Variants in LINGO2 observed in about 807,000 individuals in gnomAD.
LINGO2 encodes the protein leucine rich repeat and Ig domain containing 2.
A neutral mutation model predicts 30.6 loss-of-function variants in LINGO2; 14 were observed. The observed-to-expected ratio is 0.46, with a 90% CI of 0.30 to 0.72. LINGO2 has a LOEUF of 0.72. Ranked by LOEUF, LINGO2 falls within the 30% of genes least tolerant of loss-of-function variation. LINGO2 has a pLI of 0.07. For synonymous variants in LINGO2, 317 were observed against 288.5 expected, an observed-to-expected ratio of 1.10 and a Z score of -1.00; for missense variants, 729 against 751.7, an observed-to-expected ratio of 0.97 and a Z score of 0.35.
intron 1 of LINGO2, among the ~76,000 whole-genome samples, chr9:28,649,369 T>C (rs542381699): frequency 4.5e-4 from 69 of 152,212 alleles, no homozygotes; most frequent in African/African-American, 1.5e-3. Context: ...TAAATCCTCA[T>C]AACAGTTCTA....
At chr9:27,959,418 G>T (rs1307737061) in intron 5 of LINGO2, among the ~76,000 whole-genome samples, 1 of 151,988 alleles carries the variant, frequency 6.6e-6, no homozygotes, top group African/African-American at 2.4e-5. Flanking sequence ...CTTTCTACAT[G>T]CTTTAGCTAC....
chr9:28,666,896 GA>G (rs1282367888), intron 1 of LINGO2, among the ~76,000 whole-genome samples: 1 of 152,046 alleles, frequency 6.6e-6, no homozygotes, highest in Non-Finnish European at 1.5e-5. Context: ...GTAACAGAAT[GA>G]AAATACAACA....
At chr9:28,349,206 A>G (rs1819739385) in intron 3 of LINGO2, among the ~76,000 whole-genome samples, 1 of 152,128 alleles carries the variant, frequency 6.6e-6, no homozygotes, top group Non-Finnish European at 1.5e-5. Flanking sequence ...ATTCTGAGCT[A>G]CGGGAGGACA....
intron 4 of LINGO2, among the ~76,000 whole-genome samples, chr9:28,259,383 G>A (rs1264852956): frequency 6.6e-6 from 1 of 151,922 alleles, no homozygotes; most frequent in African/African-American, 2.4e-5. Flanking sequence ...ACTGGAAGAA[G>A]GGCATGGAAA....
At chr9:28,681,218 T>C in the LINGO2 span, among the ~76,000 whole-genome samples, 1 of 151,948 alleles carries the variant, frequency 6.6e-6, no homozygotes, top group African/African-American at 2.4e-5. Context: ...TGGACTAACT[T>C]AGTTCCAGTT....
chr9:29,148,163 T>C, the LINGO2 span, among the ~76,000 whole-genome samples: 99 of 152,252 alleles, frequency 6.5e-4, no homozygotes, highest in African/African-American at 2.3e-3. Context: ...TCAATGTGTA[T>C]GTCTCCTTTT....
chr9:28,958,712 G>C, the LINGO2 span, among the ~76,000 whole-genome samples: 1 of 151,572 alleles, frequency 6.6e-6, no homozygotes, highest in Non-Finnish European at 1.5e-5. Context: ...GAGAAGAGGA[G>C]AAAAAAGGAG....
chr9:28,197,004 T>C (rs1820037630), intron 4 of LINGO2, among the ~76,000 whole-genome samples: 1 of 151,912 alleles, frequency 6.6e-6, no homozygotes, highest in African/African-American at 2.4e-5. Context: ...TGGCTATAGT[T>C]AACAATAATT....
intron 1 of LINGO2, among the ~76,000 whole-genome samples, chr9:28,552,433 G>A (rs371477366): frequency 6.6e-6 from 1 of 151,944 alleles, no homozygotes; most frequent in African/African-American, 2.4e-5. Flanking sequence ...TCAGAATCAC[G>A]AACACTTGGT....
the LINGO2 span, among the ~76,000 whole-genome samples, chr9:29,016,214 C>T: frequency 3.3e-5 from 5 of 152,142 alleles, no homozygotes; most frequent in African/African-American, 1.2e-4. Flanking sequence ...AAACATAGTA[C>T]TCATTCATTT....
the LINGO2 span, among the ~76,000 whole-genome samples, chr9:29,058,524 G>A: frequency 0.06 from 9,192 of 151,952 alleles, 349 homozygotes; most frequent in South Asian, 0.18. Context: ...AAGAAGGGGT[G>A]AGGTGGTTAG....
the LINGO2 span, among the ~76,000 whole-genome samples, chr9:28,728,060 A>G: frequency 4.6e-5 from 7 of 152,340 alleles, no homozygotes; most frequent in Admixed American, 3.9e-4. Flanking sequence ...GGAAATTAAA[A>G]GTGGTCAGAA....
At chr9:28,924,433 C>G in the LINGO2 span, among the ~76,000 whole-genome samples, 2 of 152,228 alleles carry the variant, frequency 1.3e-5, no homozygotes, top group South Asian at 4.1e-4. Context: ...GTTGCCCAGG[C>G]TGGTCTCAAA....
At chr9:28,694,698 A>G in the LINGO2 span, among the ~76,000 whole-genome samples, 1 of 151,966 alleles carries the variant, frequency 6.6e-6, no homozygotes, top group African/African-American at 2.4e-5. Flanking sequence ...CAGAACTTTA[A>G]TTTTGACTGA....
chr9:28,636,471 C>T (rs1189791988), intron 1 of LINGO2, among the ~76,000 whole-genome samples: 1 of 152,150 alleles, frequency 6.6e-6, no homozygotes, highest in African/African-American at 2.4e-5. Context: ...TTCTCCACAT[C>T]GTCTCCAGCA....
the LINGO2 span, among the ~76,000 whole-genome samples, chr9:29,192,293 C>A: frequency 6.6e-6 from 1 of 152,060 alleles, no homozygotes; most frequent in East Asian, 1.9e-4. Context: ...TAACAACTTG[C>A]TAATAAATAT....
At chr9:28,665,308 G>A (rs1229569834) in intron 1 of LINGO2, among the ~76,000 whole-genome samples, 1 of 151,954 alleles carries the variant, frequency 6.6e-6, no homozygotes, top group African/African-American at 2.4e-5. Context: ...TGATCTCAGA[G>A]CAGCTATGTT....
In LINGO2 at chr9:28,632,813, C is replaced by CCA. The variant is rs374188694; in HGVS notation, c.-365+37386_-365+37387insTG. 2.7e-3 allele frequency among the ~76,000 whole-genome samples: 265 copies of CCA among 96,386 alleles called. 2 individuals are homozygous for CCA. The highest frequency in any genetic ancestry group is 0.01 in the African/African-American group (250 of 24,276). The allele number at this position is 96,386 out of a possible 152,430, so 63.2% of individuals were successfully genotyped here. On this transcript the variant is annotated intron_variant, in intron 1 of 5. Coordinates refer to ENST00000379992, the Ensembl canonical transcript of LINGO2. ...TATTATATAGATTTATATAGATGAT[C>CCA]TATATATATTATATATTATATATAT...
the LINGO2 span, among the ~76,000 whole-genome samples, chr9:28,746,439 A>C: frequency 6.6e-5 from 10 of 152,052 alleles, no homozygotes; most frequent in Admixed American, 5.9e-4. Context: ...TATGATTTTG[A>C]AAATTTCATA....
Sources: gnomAD v4.1 joint callset for allele counts (sites outside exome capture counted in the v4.1 genomes callset) on GRCh38, gnomAD v4.1.1 for gene constraint, MANE v1.5 for transcripts, NCBI Gene and HGNC (gene_info 2026-07-23, HGNC 2026-07-21) for gene names.